NCOR2: variants seen among roughly 807,000 people sequenced by gnomAD.
NCOR2 encodes nuclear receptor corepressor 2, also known as CTG repeat protein 26.
In NCOR2, 81 loss-of-function variants were observed where a neutral mutation model predicts 262.9. The ratio of observed to expected loss-of-function variants is 0.31; its 90% CI spans 0.26 to 0.37. NCOR2 has a LOEUF of 0.37. Ranked by LOEUF, NCOR2 falls within the 10% of genes least tolerant of loss-of-function variation. The pLI, the probability that NCOR2 is intolerant of heterozygous loss-of-function variation, is 1.00. For missense variants in NCOR2, 3,385 were observed against 3,621.4 expected (o/e 0.93, Z 1.68); for synonymous variants, 1,659 against 1,559.3 (o/e 1.06, Z -1.51).
chr12:124,425,013 A>G (rs2043451130), intron 11 of NCOR2, among the ~76,000 whole-genome samples: 1 of 152,234 alleles, frequency 6.6e-6, no homozygotes, highest in Non-Finnish European at 1.5e-5. Flanking sequence ...TCCAACCCAC[A>G]GGCCACATGC....
intron 13 of NCOR2, among the ~76,000 whole-genome samples, chr12:124,409,748 G>A (rs1279663002): frequency 1.3e-5 from 2 of 152,068 alleles, no homozygotes; most frequent in Non-Finnish European, 2.9e-5. Flanking sequence ...CATGATCACG[G>A]CTCACTGCAG....
At chr12:124,357,791 GAT>G (rs2038070069) in intron 22 of NCOR2, among the ~76,000 whole-genome samples, 1 of 152,196 alleles carries the variant, frequency 6.6e-6, no homozygotes, top group South Asian at 2.1e-4. Flanking sequence ...GGTAACCTGT[GAT>G]GTGTGTGTGT....
chr12:124,552,099 C>T (rs1331909011), intron 1 of NCOR2, among the ~76,000 whole-genome samples: 1 of 152,162 alleles, frequency 6.6e-6, no homozygotes, highest in Admixed American at 6.5e-5. Context: ...GCAGGAGGAT[C>T]TCCTGAGCTC....
intron 1 of NCOR2, among the ~76,000 whole-genome samples, chr12:124,515,601 G>C (rs1299965200): frequency 6.6e-6 from 1 of 151,922 alleles, no homozygotes; most frequent in Non-Finnish European, 1.5e-5. Context: ...ATCTGTGTGG[G>C]TGTCTGCATG....
chr12:124,365,294 C>T (rs559810075), intron 20 of NCOR2, among the ~76,000 whole-genome samples: 19 of 152,300 alleles, frequency 1.2e-4, no homozygotes, highest in South Asian at 4.1e-4. Flanking sequence ...ACCACAGTGA[C>T]GACGTCCTAT....
rs73419881 is a variant in NCOR2 at position 124,356,102 on chromosome 12, T to C, written c.3242-531A>G. Among the ~76,000 whole-genome samples the C allele has an allele frequency of 3.5e-3, 533 of 152,382 alleles. 4 individuals are homozygous for C. Among genetic ancestry groups the C allele is most frequent in the African/African-American group, 0.012 (485 of 41,598 alleles). ...AGCTTTGCCTGCTCTCTCCTGCCTCTGGGCTTTTGCACTTGCTGTTCCGTC... is the reference window on the plus strand; with the variant it reads ...AGCTTTGCCTGCTCTCTCCTGCCTCCGGGCTTTTGCACTTGCTGTTCCGTC... On this transcript the variant is annotated intron_variant, in intron 23 of 46. Coordinates refer to ENST00000405201, the Ensembl canonical transcript of NCOR2.
rs1352269311 is a variant in NCOR2 at position 124,379,646 on chromosome 12, C to T, written c.2020-1262G>A. The stretch of plus-strand genomic sequence containing the variant: ...GGCCCTCCGCCACACCTGGAGGTGC[C>T]CGCAGCTCTCAGCCAAGAGCCCTGT... On this transcript the variant is annotated intron_variant, in intron 17 of 46. Coordinates refer to ENST00000405201, the Ensembl canonical transcript of NCOR2. 2.0e-5 allele frequency among the ~76,000 whole-genome samples: 3 copies of T among 152,174 alleles called. No homozygotes were observed. The South Asian group carries it at 6.2e-4, about 31-fold the overall frequency.
chr12:124,508,210 A>C (rs368837125), intron 1 of NCOR2, among the ~76,000 whole-genome samples: 117 of 152,366 alleles, frequency 7.7e-4, no homozygotes, highest in African/African-American at 2.7e-3. Flanking sequence ...TCCCAGGCTA[A>C]ACGGGAAGAA....
Position 124,430,889 on chromosome 12 carries a change from C to T in NCOR2, c.883-102G>A, listed in dbSNP as rs999201871. On this transcript the variant is annotated intron_variant, in intron 8 of 46. Transcript: ENST00000405201. Reference sequence around the variant, plus strand: ...GCAGGCAGACACACAGGTGCGTGCGCACACACACAAAGTCACACAGGCACA... The same window carrying T: ...GCAGGCAGACACACAGGTGCGTGCGTACACACACAAAGTCACACAGGCACA... 18 of 1,392,562 alleles carry T rather than the reference C, an allele frequency of 1.3e-5. No homozygotes were observed. The African/African-American group carries it at 2.5e-4, about 19-fold the overall frequency. The allele number at this position is 1,392,562 out of a possible 1,614,324, so 86.3% of individuals were successfully genotyped here. A position where few individuals can be genotyped will look rare whatever the true frequency, so the allele number is the denominator to read the frequency against.
rs1214477729 is a variant in NCOR2, at chr12:124,503,552, A to AATGG, written c.-117-8188_-117-8185dup. Among the ~76,000 whole-genome samples the AATGG allele has an allele frequency of 7.3e-6, 1 of 137,898 alleles. No individual in the cohort carries two copies. Among genetic ancestry groups the AATGG allele is most frequent in the South Asian group, 2.3e-4 (1 of 4,292 alleles). The allele number at this position is 137,898 out of a possible 152,430, so 90.5% of individuals were successfully genotyped here. On this transcript the variant is annotated intron_variant, in intron 1 of 46. Transcript: ENST00000404621. The surrounding 1 kb of genome is among the most constrained non-coding windows in gnomAD (Gnocchi z 4.3). ...AGATGAATGGATGGATGGATGGACG[A>AATGG]ATGGATGGATGGATAGATGGAAGAC...
At chr12:124,552,700 G>T (rs2051751749) in intron 1 of NCOR2, among the ~76,000 whole-genome samples, 1 of 152,040 alleles carries the variant, frequency 6.6e-6, no homozygotes, top group African/African-American at 2.4e-5. Flanking sequence ...AGGTTTTTTG[G>T]TTTTTTGAGA....
At chr12:124,437,504 C>T (rs553744884) in intron 8 of NCOR2, among the ~76,000 whole-genome samples, 4 of 152,204 alleles carry the variant, frequency 2.6e-5, no homozygotes, top group African/African-American at 9.7e-5. Context: ...TGAGCCTGGA[C>T]CTGGGCCCAG....
At chr12:124,528,899 T>G (rs1436296610) in intron 1 of NCOR2, among the ~76,000 whole-genome samples, 1 of 152,064 alleles carries the variant, frequency 6.6e-6, no homozygotes, top group Admixed American at 6.6e-5. Flanking sequence ...GAACAACACC[T>G]CTGGGCGCGG....
intron 7 of NCOR2, among the ~76,000 whole-genome samples, chr12:124,439,256 G>GAA (rs1245575597): frequency 0.031 from 2,985 of 97,786 alleles, no homozygotes; most frequent in African/African-American, 0.053. Context: ...CCCAGAGAGA[G>GAA]AGAGATGGAG....
Position 124,378,158 on chromosome 12 carries a change from G to T in NCOR2, c.2167+79C>A. On this transcript the variant is annotated intron_variant, in intron 18 of 46. Transcript: ENST00000405201. This position sits in a 1 kb window ranked among gnomAD's most constrained non-coding sequence, Gnocchi z 4.2. ...ATGACTCAGGGGAGAGGAGGCTGCC[G>T]GGATCAGTTCCCGCTATGCCCTCCC... 1 of 1,550,482 alleles carries T rather than the reference G, an allele frequency of 6.4e-7. No individual in the cohort carries two copies.
intron 40 of NCOR2, 45 bp from the exon 43 acceptor site, chr12:124,334,662 A>G: frequency 1.1e-6 from 1 of 944,708 alleles, no homozygotes; most frequent in Non-Finnish European, 1.4e-6. Context: ...CACTCTCCTG[A>G]CAGAACCTTC....
chr12:124,336,765 G>A (rs1265730763), exon 38 of NCOR2: 1 of 1,613,230 alleles, frequency 6.2e-7, no homozygotes, highest in Admixed American at 1.7e-5. Context: ...AGAGAACGGA[G>A]TTCCAGTTCC....
intron 6 of NCOR2, among the ~76,000 whole-genome samples, chr12:124,453,619 A>G (rs547840117): frequency 6.6e-6 from 1 of 152,360 alleles, no homozygotes; most frequent in South Asian, 2.1e-4. Context: ...AGGAAGAGCC[A>G]GAGTCCCAGG....
chr12:124,402,808 T>C (rs1047135580), intron 13 of NCOR2, among the ~76,000 whole-genome samples: 4 of 151,992 alleles, frequency 2.6e-5, no homozygotes, highest in Non-Finnish European at 5.9e-5. Flanking sequence ...GCAGGAAGCA[T>C]TGGTGTCAGA....
Sources: gnomAD v4.1 joint callset for allele counts (sites outside exome capture counted in the v4.1 genomes callset) on GRCh38, gnomAD v4.1.1 for gene constraint, Gnocchi (gnomAD v3.1) non-coding constraint, MANE v1.5 for transcripts, NCBI Gene and HGNC (gene_info 2026-07-23, HGNC 2026-07-21) for gene names.